CREB1: variants seen among roughly 807,000 people sequenced by gnomAD.
CREB1 encodes the protein cAMP responsive element binding protein 1.
In CREB1, 2 loss-of-function variants were observed where a neutral mutation model predicts 42.0. The ratio of observed to expected loss-of-function variants is 0.05; its 90% confidence interval spans 0.02 to 0.15. The LOEUF is 0.15. CREB1 is among the 10% of genes least tolerant of loss of function. The pLI is 1.00. For missense variants in CREB1, 199 were observed against 388.9 expected, an observed-to-expected ratio of 0.51 and a Z score of 4.11; for synonymous variants, 123 against 139.9, an observed-to-expected ratio of 0.88 and a Z score of 0.85.
chr2:207,548,994 G>GTTAT (rs2081399793), intron 1 of CREB1, among the ~76,000 whole-genome samples: 1 of 152,200 alleles, frequency 6.6e-6, no homozygotes, highest in Admixed American at 6.5e-5. Context: ...ATTGGAGGCT[G>GTTAT]AAATAAGGAT....
intron 1 of CREB1, among the ~76,000 whole-genome samples, chr2:207,542,116 A>AT: frequency 6.6e-6 from 1 of 152,186 alleles, no homozygotes; most frequent in Non-Finnish European, 1.5e-5. Flanking sequence ...TATTATGAAA[A>AT]TGCTGCCATA....
chr2:207,597,676 G>T lies in CREB1; in HGVS notation c.*618G>T. Reference sequence around the variant, plus strand: ...TCTTCAATACTGAAAATTTGTCCTTGGTTCTTAAAAGCATTCTGTACTAAT... The same window carrying T: ...TCTTCAATACTGAAAATTTGTCCTTTGTTCTTAAAAGCATTCTGTACTAAT... On this transcript the variant is annotated 3_prime_UTR_variant, in exon 8 of 8. Transcript: ENST00000353267. 4.8e-6 allele frequency: 1 copy of T among 206,528 alleles called. No individual in the cohort carries two copies. Among genetic ancestry groups the T allele is most frequent in the Non-Finnish European group, 9.9e-6 (1 of 101,050 alleles). The allele number at this position is 206,528 out of a possible 1,614,324, so 12.8% of individuals were successfully genotyped here. A position where few individuals can be genotyped will look rare whatever the true frequency, so the allele number is the denominator to read the frequency against.
At chr2:207,562,591 C>G (rs139633668) in intron 3 of CREB1, among the ~76,000 whole-genome samples, 2 of 152,110 alleles carry the variant, frequency 1.3e-5, no homozygotes, top group East Asian at 3.9e-4. Flanking sequence ...AAAAGTTGGA[C>G]TTATTGAACC....
In CREB1 at chr2:207,600,721, A is replaced by G. The variant is rs572220441; in HGVS notation, c.*3663A>G. 3.5e-4 allele frequency: 74 copies of G among 212,082 alleles called. No homozygotes were observed. Among genetic ancestry groups the G allele is most frequent in the African/African-American group, 1.6e-3 (72 of 44,276 alleles). The allele number at this position is 212,082 out of a possible 1,614,324, so 13.1% of individuals were successfully genotyped here. On this transcript the variant is annotated 3_prime_UTR_variant, in exon 8 of 8. Coordinates refer to ENST00000353267, the MANE Select transcript of CREB1 (RefSeq NM_004379.5). The stretch of plus-strand genomic sequence containing the variant: ...AGCAGTGCTAGTCTCTGAAAGCACA[A>G]TACCAGTCAGGCAGCCTATCCCATC...
At chr2:207,551,791 C>T (rs372843434) in intron 1 of CREB1, among the ~76,000 whole-genome samples, 76 of 152,010 alleles carry the variant, frequency 5.0e-4, no homozygotes, top group African/African-American at 1.6e-3. Context: ...CACCTGCAAT[C>T]CCAGCACTTT....
At chr2:207,562,700 G>A (rs1258234651) in intron 3 of CREB1, among the ~76,000 whole-genome samples, 2 of 152,106 alleles carry the variant, frequency 1.3e-5, no homozygotes, top group Admixed American at 6.6e-5. Context: ...CCAGTTAATG[G>A]TGATTAGTGT....
At chr2:207,587,722 CAT>C (rs1161723544) in intron 7 of CREB1, among the ~76,000 whole-genome samples, 21 of 152,178 alleles carry the variant, frequency 1.4e-4, no homozygotes, top group Admixed American at 4.6e-4. Context: ...TGTTCTCACT[CAT>C]GTGGGAGCTA....
At chr2:207,581,777 C>G (rs2082987586) in intron 7 of CREB1, 2 of 682,472 alleles carry the variant, frequency 2.9e-6, no homozygotes, top group Admixed American at 2.2e-5. Flanking sequence ...TTTTATTTCC[C>G]CAGTTTTTTT....
At position 207,602,003 on chromosome 2, in the gene CREB1, G is replaced by A. The variant is rs149927228; in HGVS notation, c.*4945G>A. 29 of 206,710 alleles carry A rather than the reference G, an allele frequency of 1.4e-4. No individual in the cohort carries two copies. The highest frequency in any genetic ancestry group is 5.9e-4 in the African/African-American group (26 of 43,908). 12.8% of individuals were successfully genotyped at this position (206,710 alleles called of 1,614,324 possible). A position where few individuals can be genotyped will look rare whatever the true frequency, so the allele number is the denominator to read the frequency against. On this transcript the variant is annotated 3_prime_UTR_variant, in exon 8 of 8. Coordinates refer to ENST00000353267, the MANE Select transcript of CREB1 (RefSeq NM_004379.5). The stretch of plus-strand genomic sequence containing the variant: ...TAGGAGAGGCATTAATCTTTGAGGG[G>A]CTGAACATATCATGAAGCTGAGTCA...
chr2:207,567,699 C>T, intron 4 of CREB1, 136 bp downstream of exon 4: 1 of 531,424 alleles, frequency 1.9e-6, no homozygotes. Flanking sequence ...AGTTATTTGT[C>T]TCAAATAAAG....
Position 207,601,408 on chromosome 2 carries a change from C to A in CREB1, c.*4350C>A, listed in dbSNP as rs1051866645. ...ATTAAAATATTTTAGCACCTAAAAG[C>A]TAGCCTTAAAAACAGCTGTAAAAGA... On this transcript the variant is annotated 3_prime_UTR_variant, in exon 8 of 8. Transcript: ENST00000353267. 13 of 187,652 alleles carry A rather than the reference C, an allele frequency of 6.9e-5. No homozygotes were observed. The highest frequency in any genetic ancestry group is 3.0e-4 in the African/African-American group (13 of 42,784). The allele number at this position is 187,652 out of a possible 1,614,324, so 11.6% of individuals were successfully genotyped here.
chr2:207,556,939 C>T (rs890676614), intron 2 of CREB1, among the ~76,000 whole-genome samples: 2 of 152,100 alleles, frequency 1.3e-5, no homozygotes, highest in Non-Finnish European at 2.9e-5. Context: ...GAGTTCAAGA[C>T]GAGCCTGGCC....
intron 1 of CREB1, among the ~76,000 whole-genome samples, chr2:207,532,392 T>C (rs530559252): frequency 2.6e-5 from 4 of 151,770 alleles, no homozygotes; most frequent in Non-Finnish European, 5.9e-5. Context: ...TGTTCACTGA[T>C]GGCCGAGTGC....
At chr2:207,584,611 A>G (rs956251152) in intron 7 of CREB1, among the ~76,000 whole-genome samples, 4 of 152,306 alleles carry the variant, frequency 2.6e-5, no homozygotes, top group Non-Finnish European at 4.4e-5. Flanking sequence ...CATGTTGGCC[A>G]GGCTGGTTTT....
chr2:207,565,717 A>G (rs930967156), intron 3 of CREB1, among the ~76,000 whole-genome samples: 1 of 152,170 alleles, frequency 6.6e-6, no homozygotes, highest in South Asian at 2.1e-4. Context: ...AGAGTCAAGC[A>G]GTGGACACAG....
At chr2:207,575,173 TCTC>T (rs1444772091) in intron 5 of CREB1, 96 bp from the exon 6 acceptor site, 13 of 1,251,212 alleles carry the variant, frequency 1.0e-5, no homozygotes, top group South Asian at 3.3e-5. Flanking sequence ...TGCTGTAACT[TCTC>T]CTAGATTATT....
chr2:207,559,219 A>G (rs1379723020), intron 2 of CREB1: 69 of 755,406 alleles, frequency 9.1e-5, no homozygotes, highest in Non-Finnish European at 9.2e-5. Flanking sequence ...TTTTGCCACT[A>G]CTCCACTCTG....
intron 1 of CREB1, among the ~76,000 whole-genome samples, chr2:207,552,644 C>T (rs1332747836): frequency 4.2e-5 from 6 of 142,234 alleles, no homozygotes; most frequent in Non-Finnish European, 9.0e-5. Flanking sequence ...CTTGCTCTGT[C>T]ACCCAGGCTG....
At chr2:207,578,143 C>T (rs2082666425) in intron 7 of CREB1, 1 of 152,628 alleles carries the variant, frequency 6.6e-6, no homozygotes, top group East Asian at 1.9e-4. Flanking sequence ...AAAGATTCTT[C>T]AAAAATATGT....
Sources: allele counts gnomAD v4.1 joint callset (sites outside exome capture counted in the v4.1 genomes callset), GRCh38; gene constraint gnomAD v4.1.1; transcripts MANE v1.5; gene names NCBI Gene and HGNC (gene_info 2026-07-23, HGNC 2026-07-21).